The following CRYBG3 variants were observed in gnomAD, a reference collection of about 807,000 sequenced individuals.
The protein encoded by CRYBG3 is very large A-kinase anchor protein.
A neutral mutation model predicts 244.2 loss-of-function variants in CRYBG3; 127 were observed. The ratio of observed to expected loss-of-function variants is 0.52; its 90% confidence interval spans 0.45 to 0.60. CRYBG3 has a LOEUF of 0.60. Ranked by LOEUF, CRYBG3 falls within the 20% of genes least tolerant of loss-of-function variation. The pLI is 0.00. For synonymous variants in CRYBG3, 1,132 were observed against 1,195.8 expected, an observed-to-expected ratio of 0.95 and a Z score of 1.10; for missense variants, 3,325 against 3,442.5, an observed-to-expected ratio of 0.97 and a Z score of 0.85.
At chr3:97,880,530 T>A (rs924256366) in intron 6 of CRYBG3, among the ~76,000 whole-genome samples, 1 of 152,242 alleles carries the variant, frequency 6.6e-6, no homozygotes, top group Non-Finnish European at 1.5e-5. Flanking sequence ...AATCTTTGTA[T>A]GGTCTAAAAA....
chr3:97,873,703 T>G lies in CRYBG3; in HGVS notation c.2509T>G (p.Ser837Ala). 1 of 1,535,924 alleles carries G rather than the reference T, an allele frequency of 6.5e-7. No individual in the cohort carries two copies. The change falls in exon 4 of 22, where the codon TCC becomes GCC. Residue 837 changes from serine (S) to alanine (A), a missense_variant. This residue lies in a region of CRYBG3 where 1,526 missense variants were observed against 1,443.2 expected (regional missense o/e 1.06). Transcript: ENST00000389622. Reference sequence around the variant, plus strand: ...ACATTCTGGAAGAGGAAAAACTATATCCTTGTCCAAGGTATCTCTTTCAAA... The same window carrying G: ...ACATTCTGGAAGAGGAAAAACTATAGCCTTGTCCAAGGTATCTCTTTCAAA... ...ESHSGRGKTI[S>A]LSKVSLSKVE...
At chr3:97,825,481 C>G (rs534848321) in intron 1 of CRYBG3, among the ~76,000 whole-genome samples, 1 of 152,318 alleles carries the variant, frequency 6.6e-6, no homozygotes, top group South Asian at 2.1e-4. Flanking sequence ...ATCTCACACT[C>G]AGTGTGAAAT....
chr3:97,834,747 T>A (rs1021354141), intron 1 of CRYBG3, among the ~76,000 whole-genome samples: 1 of 152,182 alleles, frequency 6.6e-6, no homozygotes, highest in Admixed American at 6.6e-5. Flanking sequence ...TATATTATGA[T>A]GCAAAGGAAT....
intron 7 of CRYBG3, among the ~76,000 whole-genome samples, chr3:97,884,696 G>A (rs1160155465): frequency 1.3e-5 from 2 of 151,976 alleles, no homozygotes; most frequent in East Asian, 1.9e-4. Flanking sequence ...GTTTTGCAAA[G>A]CATGCTATTT....
intron 1 of CRYBG3, among the ~76,000 whole-genome samples, chr3:97,838,709 T>A (rs571983408): frequency 1.3e-5 from 2 of 152,278 alleles, no homozygotes; most frequent in East Asian, 3.9e-4. Context: ...GGCCCAGTTT[T>A]CCACTGCTTA....
intron 19 of CRYBG3, 130 bp from the exon 20 acceptor site, chr3:97,941,018 A>G (rs1302434032): frequency 1.4e-5 from 9 of 660,832 alleles, no homozygotes; most frequent in Non-Finnish European, 2.0e-5. Flanking sequence ...GATTTACTAA[A>G]GGGAATAAGA....
intron 19 of CRYBG3, 121 bp from the exon 20 acceptor site, chr3:97,941,027 G>A: frequency 1.4e-6 from 1 of 729,978 alleles, no homozygotes; most frequent in Non-Finnish European, 2.2e-6. Flanking sequence ...AAGGGAATAA[G>A]AGTGAAACTG....
At chr3:97,828,907 C>T (rs1391805752) in intron 1 of CRYBG3, among the ~76,000 whole-genome samples, 1 of 151,454 alleles carries the variant, frequency 6.6e-6, no homozygotes, top group Non-Finnish European at 1.5e-5. Context: ...GTATAGTATG[C>T]CCCATTTGTA....
chr3:97,852,789 CACCAA>C (rs1389678665), intron 2 of CRYBG3, among the ~76,000 whole-genome samples: 2 of 152,114 alleles, frequency 1.3e-5, no homozygotes, highest in Admixed American at 6.6e-5. Context: ...TTTATATTCG[CACCAA>C]CAGTGTATAA....
chr3:97,934,273 C>CT (rs1281172432), intron 18 of CRYBG3, among the ~76,000 whole-genome samples: 2 of 151,902 alleles, frequency 1.3e-5, no homozygotes, highest in Non-Finnish European at 2.9e-5. Context: ...GGGGCCTGTG[C>CT]TTTTACAAAT....
chr3:97,846,613 G>A (rs1429206025), intron 2 of CRYBG3, among the ~76,000 whole-genome samples: 1 of 152,156 alleles, frequency 6.6e-6, no homozygotes, highest in East Asian at 1.9e-4. Context: ...CTGTTTGGGT[G>A]AAGGAAGAGC....
At chr3:97,900,174 C>T (rs1414425787) in intron 14 of CRYBG3, among the ~76,000 whole-genome samples, 1 of 152,010 alleles carries the variant, frequency 6.6e-6, no homozygotes, top group African/African-American at 2.4e-5. Context: ...ACAGTGAGAC[C>T]TCGTCTTTAC....
chr3:97,828,415 GACTA>G (rs1576505493), intron 1 of CRYBG3, among the ~76,000 whole-genome samples: 1 of 151,868 alleles, frequency 6.6e-6, no homozygotes, highest in South Asian at 2.1e-4. Flanking sequence ...TTCAATTGTG[GACTA>G]ACTGATAAAT....
chr3:97,915,767 G>C, intron 17 of CRYBG3, 31 bp downstream of exon 17: 1 of 1,549,576 alleles, frequency 6.5e-7, no homozygotes, highest in African/African-American at 1.4e-5. Flanking sequence ...ATACTTATAA[G>C]ATTCTTTTTC....
In CRYBG3 at chr3:97,886,470, A is replaced by T. The variant is rs578024906; in HGVS notation, c.7153-161A>T. Among the ~76,000 whole-genome samples the T allele has an allele frequency of 4.0e-3, 603 of 150,634 alleles. 3 individuals carry two copies. Among genetic ancestry groups the T allele is most frequent in the Admixed American group, 5.1e-3 (77 of 15,078 alleles). On this transcript the variant is annotated intron_variant, in intron 7 of 21. Coordinates refer to ENST00000389622, the MANE Select transcript of CRYBG3 (RefSeq NM_153605.4). ...AACAGCTTTTTAGAAAAACTTTTTA[A>T]AAAAAAAAAGGGTGAGGAGAAACAA... is the stretch of plus-strand genomic sequence containing the variant.
chr3:97,928,661 A>G (rs1342515544), intron 17 of CRYBG3, among the ~76,000 whole-genome samples: 2 of 151,996 alleles, frequency 1.3e-5, no homozygotes, highest in Non-Finnish European at 2.9e-5. Context: ...AATATGATTC[A>G]TGTATGGCCT....
At chr3:97,896,800 C>T (rs2039645394) in intron 12 of CRYBG3, among the ~76,000 whole-genome samples, 1 of 151,954 alleles carries the variant, frequency 6.6e-6, no homozygotes, top group Non-Finnish European at 1.5e-5. Context: ...TGAAGGACAG[C>T]CCCCAACAAC....
In CRYBG3 at chr3:97,892,980, G is replaced by T; in HGVS notation, c.7561G>T (p.Val2521Phe). 1 of 1,597,380 alleles carries T rather than the reference G, an allele frequency of 6.3e-7. No individual in the cohort carries two copies. Among genetic ancestry groups the T allele is most frequent in the East Asian group, 2.3e-5 (1 of 43,844 alleles). Residue 2521 changes from valine (V) to phenylalanine (F), a missense_variant, in exon 11 of 22, where the codon GTC becomes TTC. Transcript: ENST00000389622. ...TTTTCACAGAATTGGATCAATTCGT[G>T]TCATTGGTGGAGTGTGAGTATCATA... ...GDFHRIGSIR[V>F]IGGVWVAYEK... is the part of the protein sequence containing the mutation.
intron 17 of CRYBG3, chr3:97,924,134 C>G: frequency 3.3e-6 from 1 of 298,934 alleles, no homozygotes; most frequent in South Asian, 2.8e-5. Flanking sequence ...GGAAACTGAC[C>G]TATATAGTAA....
Sources: allele counts gnomAD v4.1 joint callset (sites outside exome capture counted in the v4.1 genomes callset), GRCh38; gene constraint gnomAD v4.1.1; regional missense constraint gnomAD v4.1.1; transcripts MANE v1.5; gene names NCBI Gene and HGNC (gene_info 2026-07-23, HGNC 2026-07-21).